KHDRBS2: variants seen among roughly 807,000 people sequenced by gnomAD.
KHDRBS2 encodes KH domain-containing, RNA-binding, signal transduction-associated protein 2.
In KHDRBS2, 26 loss-of-function variants were observed where a neutral mutation model predicts 44.3. That is an observed-to-expected ratio of 0.59 (90% CI 0.43 to 0.81). The LOEUF is 0.81. KHDRBS2 is among the 40% of genes least tolerant of loss of function. KHDRBS2 has a pLI of 0.00. For synonymous variants in KHDRBS2, 194 were observed against 151.1 expected, an observed-to-expected ratio of 1.28 and a Z score of -2.08; for missense variants, 476 against 433.1, an observed-to-expected ratio of 1.10 and a Z score of -0.88.
At chr6:61,786,955 C>T (rs1402727876) in intron 6 of KHDRBS2, among the ~76,000 whole-genome samples, 5 of 150,968 alleles carry the variant, frequency 3.3e-5, no homozygotes, top group Middle Eastern at 3.4e-3. Flanking sequence ...TGTTTCATTT[C>T]CCATAATTTC....
At chr6:61,751,359 C>A (rs1186713041) in intron 6 of KHDRBS2, among the ~76,000 whole-genome samples, 2 of 152,106 alleles carry the variant, frequency 1.3e-5, no homozygotes, top group Non-Finnish European at 2.9e-5. Flanking sequence ...GCTAATCTGG[C>A]AAAGGGGTTC....
At chr6:61,719,204 A>C (rs1284989507) in intron 7 of KHDRBS2, among the ~76,000 whole-genome samples, 2 of 152,172 alleles carry the variant, frequency 1.3e-5, no homozygotes, top group East Asian at 3.9e-4. Context: ...GAAGATTATA[A>C]ATTTTTAACA....
chr6:61,848,980 C>A (rs1407490783), intron 6 of KHDRBS2, among the ~76,000 whole-genome samples: 2 of 151,926 alleles, frequency 1.3e-5, no homozygotes, highest in Non-Finnish European at 2.9e-5. Context: ...AAAGGATGGG[C>A]AACACAATCA....
At chr6:61,731,085 C>T (rs906619336) in intron 7 of KHDRBS2, among the ~76,000 whole-genome samples, 2 of 152,014 alleles carry the variant, frequency 1.3e-5, no homozygotes, top group Non-Finnish European at 2.9e-5. Flanking sequence ...ACTACACTTT[C>T]TATCAAGGGT....
At chr6:61,618,252 C>T in the KHDRBS2 span, among the ~76,000 whole-genome samples, 1 of 152,168 alleles carries the variant, frequency 6.6e-6, no homozygotes, top group Non-Finnish European at 1.5e-5. Context: ...TGGGAAATGA[C>T]TGTCTTTTCA....
chr6:61,774,026 A>G (rs1291869124), intron 6 of KHDRBS2, among the ~76,000 whole-genome samples: 5 of 152,154 alleles, frequency 3.3e-5, no homozygotes, highest in Non-Finnish European at 5.9e-5. Flanking sequence ...TACCAGTACT[A>G]TGCTGTTTTG....
chr6:61,620,246 TA>T, the KHDRBS2 span, among the ~76,000 whole-genome samples: 149 of 150,552 alleles, frequency 9.9e-4, no homozygotes, highest in African/African-American at 3.1e-3. Flanking sequence ...TGGTAATCAT[TA>T]AAAAAAAAAT....
At chr6:61,770,788 C>G (rs1780752878) in intron 6 of KHDRBS2, among the ~76,000 whole-genome samples, 1 of 152,110 alleles carries the variant, frequency 6.6e-6, no homozygotes, top group Non-Finnish European at 1.5e-5. Flanking sequence ...GAGAACTTCC[C>G]CAATCTAGCA....
At chr6:61,986,147 G>A (rs547163690) in intron 3 of KHDRBS2, among the ~76,000 whole-genome samples, 1 of 152,150 alleles carries the variant, frequency 6.6e-6, no homozygotes, top group Non-Finnish European at 1.5e-5. Context: ...TGTAAAACAG[G>A]GAGACTGCGG....
chr6:61,916,305 C>A (rs1368678600), intron 4 of KHDRBS2, among the ~76,000 whole-genome samples: 3 of 152,044 alleles, frequency 2.0e-5, no homozygotes, highest in Admixed American at 1.3e-4. Flanking sequence ...AAAAACTACT[C>A]TTGCTATTCC....
chr6:62,180,755 A>T (rs1367456317), intron 1 of KHDRBS2, among the ~76,000 whole-genome samples: 1 of 151,908 alleles, frequency 6.6e-6, no homozygotes, highest in Non-Finnish European at 1.5e-5. Flanking sequence ...GAGAAAATAC[A>T]CAACTGGAGA....
At chr6:61,855,231 T>A (rs1795977436) in intron 6 of KHDRBS2, among the ~76,000 whole-genome samples, 1 of 152,098 alleles carries the variant, frequency 6.6e-6, no homozygotes, top group South Asian at 2.1e-4. Flanking sequence ...ATACTCTAAA[T>A]TTTAAACATC....
chr6:61,942,831 C>T (rs1433113763), intron 4 of KHDRBS2, among the ~76,000 whole-genome samples: 3 of 151,840 alleles, frequency 2.0e-5, no homozygotes, highest in Non-Finnish European at 2.9e-5. Flanking sequence ...AAGATAAAAG[C>T]ATTTAGTTAC....
intron 6 of KHDRBS2, among the ~76,000 whole-genome samples, chr6:61,861,955 A>C (rs1481836256): frequency 1.3e-5 from 2 of 151,786 alleles, no homozygotes; most frequent in African/African-American, 4.8e-5. Context: ...ATTCCTAGGT[A>C]TTTTATTCTT....
At chr6:61,789,311 G>A (rs1784278386) in intron 6 of KHDRBS2, among the ~76,000 whole-genome samples, 1 of 151,238 alleles carries the variant, frequency 6.6e-6, no homozygotes, top group Admixed American at 6.6e-5. Context: ...TAAAGTAGTA[G>A]GAGAAAAGTA....
At chr6:61,552,760 T>C in the KHDRBS2 span, among the ~76,000 whole-genome samples, 1 of 152,220 alleles carries the variant, frequency 6.6e-6, no homozygotes, top group Non-Finnish European at 1.5e-5. Context: ...AATAATCATG[T>C]GGTTTTTGTT....
chr6:62,225,698 C>T (rs1475040351), intron 1 of KHDRBS2, among the ~76,000 whole-genome samples: 1 of 151,664 alleles, frequency 6.6e-6, no homozygotes, highest in Non-Finnish European at 1.5e-5. Context: ...CGGCCCCCAC[C>T]CCCAACTGGC....
chr6:61,701,374 T>A (rs1017350610), intron 7 of KHDRBS2, among the ~76,000 whole-genome samples: 2 of 151,986 alleles, frequency 1.3e-5, no homozygotes, highest in African/African-American at 4.8e-5. Context: ...CAGGATACAG[T>A]GAAGCTAGTT....
chr6:61,911,928 C>T (rs188384745), intron 4 of KHDRBS2, among the ~76,000 whole-genome samples: 17 of 151,766 alleles, frequency 1.1e-4, no homozygotes, highest in East Asian at 7.7e-4. Context: ...CTATTCTTTC[C>T]GAATATTTAA....
Sources: allele counts gnomAD v4.1 joint callset (sites outside exome capture counted in the v4.1 genomes callset), GRCh38; gene constraint gnomAD v4.1.1; transcripts MANE v1.5; gene names NCBI Gene and HGNC (gene_info 2026-07-23, HGNC 2026-07-21).